The following FAN1 variants were observed in gnomAD, a reference collection of about 807,000 sequenced individuals.
FAN1 encodes FANCD2 and FANCI associated nuclease 1.
In FAN1, 91 loss-of-function variants were observed where a neutral mutation model predicts 104.9. The observed-to-expected ratio is 0.87, with a 90% CI of 0.73 to 1.03. FAN1 has a LOEUF of 1.03. Among genes scored for constraint, FAN1 ranks in the 50% least tolerant of loss-of-function variants. The pLI, the probability that FAN1 is intolerant of heterozygous loss-of-function variation, is 0.00. For missense variants in FAN1, 1,263 were observed against 1,239.9 expected (o/e 1.02, Z -0.28); for synonymous variants, 478 against 457.6 (o/e 1.04, Z -0.57).
chr15:30,931,556 A>G (rs899895258), intron 13 of FAN1, among the ~76,000 whole-genome samples: 2 of 152,176 alleles, frequency 1.3e-5, no homozygotes, highest in African/African-American at 4.8e-5. Flanking sequence ...TTATAGTTTT[A>G]GGTTTTACAT....
chr15:30,910,863 A>G, intron 4 of FAN1, 48 bp downstream of exon 4: 1 of 1,573,496 alleles, frequency 6.4e-7, no homozygotes, highest in Non-Finnish European at 8.6e-7. Flanking sequence ...TGTTGATAGC[A>G]CATATTAACT....
rs143534852 is a variant in FAN1, at chr15:30,905,607, A to G, written c.944A>G (p.Gln315Arg). Reference sequence around the variant, plus strand: ...ACTGTTGCTTCAGAAGCTAAAATACAGCTGTCAGATTCAGAGGCAAAATCT... The same window carrying G: ...ACTGTTGCTTCAGAAGCTAAAATACGGCTGTCAGATTCAGAGGCAAAATCT... ...KMTVASEAKI[Q>R]LSDSEAKSHS... Residue 315 changes from glutamine to arginine, a missense_variant, in exon 2 of 15, where the codon CAG becomes CGG. Physicochemically the swap from Gln to Arg is conservative, Grantham distance 43 (BLOSUM62 1). This residue lies in a region of FAN1 where 682 missense variants were observed against 571.1 expected (regional missense o/e 1.19). Transcript: ENST00000362065. 8.1e-5 allele frequency: 131 copies of G among 1,614,074 alleles called. No individual in the cohort carries two copies. Among genetic ancestry groups the G allele is most frequent in the Middle Eastern group, 1.6e-4 (1 of 6,062 alleles).
chr15:30,916,498 T>G (rs2140918142), intron 5 of FAN1, among the ~76,000 whole-genome samples: 1 of 152,290 alleles, frequency 6.6e-6, no homozygotes, highest in Non-Finnish European at 1.5e-5. Context: ...AGAAAGTAAG[T>G]GTGCTGTAAA....
At chr15:30,915,591 A>G (rs1268135368) in intron 5 of FAN1, among the ~76,000 whole-genome samples, 1 of 152,172 alleles carries the variant, frequency 6.6e-6, no homozygotes, top group Admixed American at 6.5e-5. Flanking sequence ...CAACATAATG[A>G]GACCCCATCT....
chr15:30,942,450 C>T lies in FAN1; in HGVS notation c.*888C>T, dbSNP rs576579443. ...CAAATGTCTGATTCTTTGTTCTGTA[C>T]CTTTCAGTAGTCTGCAAATTTTCTA... is the stretch of plus-strand genomic sequence containing the variant. On this transcript the variant is annotated 3_prime_UTR_variant, in exon 15 of 15. Transcript: ENST00000362065. The T allele has an allele frequency of 2.7e-3, 794 of 296,288 alleles. 8 individuals carry two copies. Among genetic ancestry groups the T allele is most frequent in the Non-Finnish European group, 2.7e-3 (440 of 160,540 alleles). 18.4% of individuals were successfully genotyped at this position (296,288 alleles called of 1,614,324 possible).
rs2140913989 is a variant in FAN1, at chr15:30,913,987, A to G, written c.1707A>G (p.Gly569=). The change falls in exon 5 of 15, where the codon GGA becomes GGG. Residue 569 remains glycine, a synonymous_variant. Coordinates refer to ENST00000362065, the MANE Select transcript of FAN1 (RefSeq NM_014967.5). ...AAGACGCCGCTTGTGGAGGTCAGGGACAGCTTTCAACAGTCCTGTTGGTCA... is the reference window on the plus strand; with the variant it reads ...AAGACGCCGCTTGTGGAGGTCAGGGGCAGCTTTCAACAGTCCTGTTGGTCA... The part of the protein sequence containing the change: ...EDEDAACGGQ[G]QLSTVLLVNL... 6.2e-7 allele frequency: 1 copy of G among 1,614,140 alleles called. No individual in the cohort carries two copies. Among genetic ancestry groups the G allele is most frequent in the South Asian group, 1.1e-5 (1 of 91,086 alleles).
In FAN1 at chr15:30,939,279, G is replaced by T. The variant is rs371113031; in HGVS notation, c.*3+2020G>T. 11 of 985,404 alleles carry T rather than the reference G, an allele frequency of 1.1e-5. No homozygotes were observed. In the East Asian group the frequency reaches 3.4e-4, roughly 31 times the overall value. The allele number at this position is 985,404 out of a possible 1,614,324, so 61.0% of individuals were successfully genotyped here. On this transcript the variant is annotated intron_variant, in intron 14 of 14. Transcript: ENST00000362065. ...CTGTACACCTTTACGTTCAATACTA[G>T]AAATTTCACCCAGTGCATCAGCATC... is the stretch of plus-strand genomic sequence containing the variant.
Position 30,918,160 on chromosome 15 carries a change from C to T in FAN1, c.1812-4C>T. The T allele has an allele frequency of 1.2e-6, 2 of 1,613,722 alleles. No homozygotes were observed. Among genetic ancestry groups the T allele is most frequent in the East Asian group, 2.2e-5 (1 of 44,880 alleles). On this transcript the variant is annotated splice_region_variant and splice_polypyrimidine_tract_variant and intron_variant, in intron 5 of 14. Coordinates refer to ENST00000362065, the MANE Select transcript of FAN1 (RefSeq NM_014967.5). Reference sequence around the variant, plus strand: ...TTTGGAACTTGGATGGCATTTTCCTCCAGATATGCAGCAGCCACGCACATG... The same window carrying T: ...TTTGGAACTTGGATGGCATTTTCCTTCAGATATGCAGCAGCCACGCACATG...
Position 30,905,785 on chromosome 15 carries a change from C to T in FAN1, c.1122C>T (p.Tyr374=). Residue 374 remains tyrosine, a synonymous_variant, in exon 2 of 15, where the codon TAC becomes TAT. Coordinates refer to ENST00000362065, the MANE Select transcript of FAN1 (RefSeq NM_014967.5). The stretch of plus-strand genomic sequence containing the variant: ...CTGGTCAAACAACCGGTCATCCTTA[C>T]TACCTTCGGAGTTTCCTTGTGGTGC... The part of the protein sequence containing the change: ...NGPGQTTGHP[Y]YLRSFLVVLK... 6.2e-7 allele frequency: 1 copy of T among 1,614,222 alleles called. No individual in the cohort carries two copies. Among genetic ancestry groups the T allele is most frequent in the Non-Finnish European group, 8.5e-7 (1 of 1,180,038 alleles).
chr15:30,927,293 C>CTT (rs1312892461), intron 10 of FAN1: 4 of 985,390 alleles, frequency 4.1e-6, no homozygotes, highest in Non-Finnish European at 4.8e-6. Context: ...GGACGGAACA[C>CTT]TGACTGGAAA....
intron 8 of FAN1, among the ~76,000 whole-genome samples, chr15:30,923,616 C>T (rs1290653603): frequency 6.6e-6 from 1 of 152,206 alleles, no homozygotes; most frequent in Non-Finnish European, 1.5e-5. Context: ...CTGCAGCCAG[C>T]CCCGGCCTGG....
chr15:30,940,306 A>T (rs1450467230), intron 14 of FAN1: 1 of 985,274 alleles, frequency 1.0e-6, no homozygotes, highest in Non-Finnish European at 1.2e-6. Flanking sequence ...AGATCAAGCA[A>T]ACAACTGTGT....
chr15:30,920,681 C>A (rs2140926232), intron 7 of FAN1, 28 bp downstream of exon 7: 2 of 1,327,818 alleles, frequency 1.5e-6, no homozygotes, highest in Non-Finnish European at 2.1e-6. Context: ...TGCCCCCCAC[C>A]ATTACTGATG....
chr15:30,920,312 G>A (rs2140925433), intron 6 of FAN1, among the ~76,000 whole-genome samples: 1 of 152,336 alleles, frequency 6.6e-6, no homozygotes, highest in East Asian at 1.9e-4. Flanking sequence ...GGAGTTTGCT[G>A]ACCTTGGTTT....
intron 13 of FAN1, among the ~76,000 whole-genome samples, chr15:30,935,099 A>T (rs547609887): frequency 6.6e-6 from 1 of 152,112 alleles, no homozygotes; most frequent in South Asian, 2.1e-4. Flanking sequence ...TGGGCTCAGG[A>T]GTTGGAGACC....
At chr15:30,917,986 G>T (rs1047786446) in intron 5 of FAN1, among the ~76,000 whole-genome samples, 178 bp from the exon 6 acceptor site, 1 of 152,142 alleles carries the variant, frequency 6.6e-6, no homozygotes, top group Non-Finnish European at 1.5e-5. Flanking sequence ...TTTCTTATCA[G>T]TTCTGGGCCA....
Position 30,922,240 on chromosome 15 carries a change from C to A in FAN1, c.2058C>A (p.Ala686=). ...CTTTGTTATTGTTGCAATAGGAAGC[C>A]GTCAGAGAACTTGAAAGCCTTTTGT... ...ILQRLHMYEE[A]VRELESLLSQ... Residue 686 remains alanine (A), a synonymous_variant, in exon 8 of 15, where the codon GCC becomes GCA. Coordinates refer to ENST00000362065, the MANE Select transcript of FAN1 (RefSeq NM_014967.5). 1 of 1,604,906 alleles carries A rather than the reference C, an allele frequency of 6.2e-7. No homozygotes were observed. The highest frequency in any genetic ancestry group is 8.5e-7 in the Non-Finnish European group (1 of 1,177,992).
rs180765412 is a variant in FAN1, at chr15:30,928,560, T to C, written c.2496T>C (p.His832=). 2.5e-6 allele frequency: 4 copies of C among 1,605,748 alleles called. No homozygotes were observed. Among genetic ancestry groups the C allele is most frequent in the East Asian group, 2.2e-5 (1 of 44,534 alleles). ...YRRSGFDQGI[H]GEGSTFSTLY... is the part of the protein sequence containing the mutation. ...TGTGTGACCTTGTCTTAGGGATTCA[T>C]GGCGAAGGGTCCACCTTCAGCACCC... Residue 832 remains histidine (H), a synonymous_variant, in exon 11 of 15, where the codon CAT becomes CAC. Coordinates refer to ENST00000362065, the MANE Select transcript of FAN1 (RefSeq NM_014967.5).
intron 3 of FAN1, 31 bp from the exon 4 acceptor site, chr15:30,910,583 T>G (rs2062076598): frequency 1.4e-6 from 2 of 1,455,792 alleles, no homozygotes; most frequent in Non-Finnish European, 1.9e-6. Context: ...ATAGTAAAAT[T>G]TAAAAAAACT....
Sources: allele counts gnomAD v4.1 joint callset (sites outside exome capture counted in the v4.1 genomes callset), GRCh38; gene constraint gnomAD v4.1.1; regional missense constraint gnomAD v4.1.1; transcripts MANE v1.5; gene names NCBI Gene and HGNC (gene_info 2026-07-23, HGNC 2026-07-21).